CNTN4: variants seen among roughly 807,000 people sequenced by gnomAD.
CNTN4 encodes contactin 4.
CNTN4 carries 77 observed loss-of-function variants against 122.5 expected under a neutral mutation model. The ratio of observed to expected loss-of-function variants is 0.63; its 90% CI spans 0.52 to 0.76. The LOEUF is 0.76. Among genes scored for constraint, CNTN4 ranks in the 30% least tolerant of loss-of-function variants. CNTN4 has a pLI of 0.00. For missense variants in CNTN4, 1,256 were observed against 1,259.1 expected, an observed-to-expected ratio of 1.00 and a Z score of 0.04; for synonymous variants, 512 against 447.0, an observed-to-expected ratio of 1.15 and a Z score of -1.83.
At chr3:2,706,476 A>G (rs1405805025) in intron 4 of CNTN4, among the ~76,000 whole-genome samples, 5 of 152,172 alleles carry the variant, frequency 3.3e-5, no homozygotes, top group Admixed American at 6.6e-5. Context: ...CTGAAGTCAC[A>G]TTTGCAATTT....
At chr3:2,338,829 C>A (rs2044065969) in intron 2 of CNTN4, among the ~76,000 whole-genome samples, 1 of 151,970 alleles carries the variant, frequency 6.6e-6, no homozygotes, top group Non-Finnish European at 1.5e-5. Context: ...TTTTAAAATC[C>A]TTTTAATGTA....
intron 4 of CNTN4, among the ~76,000 whole-genome samples, chr3:2,670,273 C>G (rs1340865078): frequency 1.3e-5 from 2 of 152,146 alleles, no homozygotes; most frequent in African/African-American, 4.8e-5. Flanking sequence ...AATCTGGGTG[C>G]TCCTGTATTG....
intron 3 of CNTN4, among the ~76,000 whole-genome samples, chr3:2,391,927 G>T (rs1009702130): frequency 1.3e-5 from 2 of 152,132 alleles, no homozygotes; most frequent in African/African-American, 4.8e-5. Context: ...CTCTTTAAAT[G>T]GGGCAAATAT....
intron 2 of CNTN4, among the ~76,000 whole-genome samples, chr3:2,147,783 A>C (rs558368262): frequency 6.6e-6 from 1 of 152,108 alleles, no homozygotes; most frequent in African/African-American, 2.4e-5. Flanking sequence ...TCTGTATTTC[A>C]TACTTACTGC....
rs562409168 is a variant in CNTN4, at chr3:2,849,212, C to T, written c.455-17540C>T. ...ATATATCCCACTATGTCCCTAGTGC[C>T]AAGAAGAATGCCTGAACCTAATAGG... is the stretch of plus-strand genomic sequence containing the variant. On this transcript the variant is annotated intron_variant, in intron 7 of 24. Coordinates refer to ENST00000418658, the MANE Select transcript of CNTN4 (RefSeq NM_175607.3). Among the ~76,000 whole-genome samples the T allele has an allele frequency of 1.2e-4, 19 of 152,258 alleles. No homozygotes were observed. In the South Asian group the frequency reaches 3.7e-3, roughly 30 times the overall value.
chr3:2,451,899 A>G (rs1385617656), intron 3 of CNTN4, among the ~76,000 whole-genome samples: 2 of 152,118 alleles, frequency 1.3e-5, no homozygotes, highest in Non-Finnish European at 2.9e-5. Flanking sequence ...TCTTTCCCTC[A>G]CATTCCAAAA....
chr3:2,496,423 C>T (rs2076453081), intron 3 of CNTN4, among the ~76,000 whole-genome samples: 1 of 152,118 alleles, frequency 6.6e-6, no homozygotes, highest in South Asian at 2.1e-4. Context: ...ACATATGTAA[C>T]AGTCTGATAC....
At chr3:2,870,586 A>C (rs2093773325) in intron 8 of CNTN4, among the ~76,000 whole-genome samples, 1 of 152,176 alleles carries the variant, frequency 6.6e-6, no homozygotes, top group Admixed American at 6.5e-5. Flanking sequence ...GGATTTGGTG[A>C]CTGTATATTA....
intron 6 of CNTN4, among the ~76,000 whole-genome samples, chr3:2,781,693 G>A (rs1249770786): frequency 1.3e-5 from 2 of 151,442 alleles, no homozygotes; most frequent in Admixed American, 6.6e-5. Context: ...CAAAGGTGGG[G>A]GGTGCTTCCA....
At chr3:3,000,849 T>C (rs1695958757) in intron 14 of CNTN4, among the ~76,000 whole-genome samples, 1 of 152,036 alleles carries the variant, frequency 6.6e-6, no homozygotes. Context: ...ACACTGACTT[T>C]GTTTTCTTAC....
At chr3:2,199,684 A>G (rs1330929605) in intron 2 of CNTN4, among the ~76,000 whole-genome samples, 1 of 152,204 alleles carries the variant, frequency 6.6e-6, no homozygotes, top group East Asian at 1.9e-4. Flanking sequence ...CTGTTCTCCT[A>G]GAGTGTGCAT....
chr3:2,569,567 C>T (rs2079329881), intron 3 of CNTN4, among the ~76,000 whole-genome samples: 1 of 151,940 alleles, frequency 6.6e-6, no homozygotes, highest in South Asian at 2.1e-4. Flanking sequence ...GCTAAAATAA[C>T]AAGTTGAGAC....
chr3:2,946,693 CTTTTT>C (rs1553703098), intron 13 of CNTN4, among the ~76,000 whole-genome samples: 1 of 127,768 alleles, frequency 7.8e-6, no homozygotes, highest in African/African-American at 2.7e-5. Flanking sequence ...AGACAGCTTG[CTTTTT>C]TTTTTCTTTT....
intron 7 of CNTN4, among the ~76,000 whole-genome samples, chr3:2,836,372 T>G (rs2093225661): frequency 6.6e-6 from 1 of 152,170 alleles, no homozygotes; most frequent in Non-Finnish European, 1.5e-5. Flanking sequence ...ATCCTGGCAC[T>G]AGAACTTGAC....
intron 2 of CNTN4, among the ~76,000 whole-genome samples, chr3:2,204,755 G>A (rs1435628724): frequency 2.0e-5 from 3 of 152,018 alleles, no homozygotes; most frequent in Non-Finnish European, 2.9e-5. Flanking sequence ...GCCCCCCCAT[G>A]GGATAAAGTC....
At chr3:2,609,631 G>A (rs2081397811) in intron 4 of CNTN4, among the ~76,000 whole-genome samples, 1 of 151,968 alleles carries the variant, frequency 6.6e-6, no homozygotes, top group African/African-American at 2.4e-5. Context: ...TAAACATTAT[G>A]GCTGAAAAAT....
intron 3 of CNTN4, among the ~76,000 whole-genome samples, chr3:2,550,499 G>C (rs2078452169): frequency 6.6e-6 from 1 of 152,176 alleles, no homozygotes; most frequent in Non-Finnish European, 1.5e-5. Flanking sequence ...TACACTGTTG[G>C]TGGGAGTGCA....
At chr3:2,349,799 G>T (rs2044537887) in intron 3 of CNTN4, among the ~76,000 whole-genome samples, 1 of 152,150 alleles carries the variant, frequency 6.6e-6, no homozygotes, top group Non-Finnish European at 1.5e-5. Context: ...AGTACTAATG[G>T]ACCTATATAA....
At chr3:2,767,061 G>T (rs1337698920) in intron 6 of CNTN4, among the ~76,000 whole-genome samples, 1 of 152,164 alleles carries the variant, frequency 6.6e-6, no homozygotes, top group Admixed American at 6.5e-5. Context: ...GTATCACATG[G>T]ATTAAGTGAG....
Sources: allele counts gnomAD v4.1 joint callset (sites outside exome capture counted in the v4.1 genomes callset), GRCh38; gene constraint gnomAD v4.1.1; transcripts MANE v1.5; gene names NCBI Gene and HGNC (gene_info 2026-07-23, HGNC 2026-07-21).